The following ERG variants were observed in gnomAD, a reference collection of about 807,000 sequenced individuals.
The protein encoded by ERG is ETS transcription factor ERG.
In ERG, 9 loss-of-function variants were observed where a neutral mutation model predicts 55.3. That is an observed-to-expected ratio of 0.16 (90% confidence interval 0.10 to 0.28). The LOEUF (loss-of-function observed/expected upper bound fraction) is 0.28. Among genes scored for constraint, ERG ranks in the 10% least tolerant of loss-of-function variants. The probability of loss-of-function intolerance (pLI) is 1.00; values close to 1 mark genes in which losing one functional copy is unlikely to be tolerated. For missense variants in ERG, 434 were observed against 631.6 expected (o/e 0.69, Z 3.35); for synonymous variants, 223 against 237.3 (o/e 0.94, Z 0.55).
chr21:38,410,747 T>C (rs985323174), intron 3 of ERG, among the ~76,000 whole-genome samples: 9 of 152,226 alleles, frequency 5.9e-5, no homozygotes, highest in African/African-American at 2.2e-4. Context: ...TGAAACAAAA[T>C]GCCTCACACA....
intron 1 of ERG, among the ~76,000 whole-genome samples, chr21:38,658,684 G>A (rs574078328): frequency 6.6e-5 from 10 of 152,324 alleles, no homozygotes; most frequent in Admixed American, 2.0e-4. Context: ...TAGTATGTGA[G>A]TTACACATTC....
chr21:38,636,588 G>A (rs907972986), intron 1 of ERG, among the ~76,000 whole-genome samples: 1 of 152,180 alleles, frequency 6.6e-6, no homozygotes, highest in African/African-American at 2.4e-5. Flanking sequence ...GATGAAAGCT[G>A]GAACTATAAA....
chr21:38,573,472 G>A (rs1487913818), intron 2 of ERG, among the ~76,000 whole-genome samples: 1 of 152,226 alleles, frequency 6.6e-6, no homozygotes, highest in Admixed American at 6.5e-5. Flanking sequence ...ATGGTGGAAG[G>A]TGAGACATGT....
chr21:38,496,614 A>G (rs1262882028), intron 1 of ERG, among the ~76,000 whole-genome samples: 1 of 152,268 alleles, frequency 6.6e-6, no homozygotes, highest in African/African-American at 2.4e-5. Flanking sequence ...CAATAAACAC[A>G]TAATGCAATG....
intron 1 of ERG, among the ~76,000 whole-genome samples, chr21:38,645,629 A>G (rs2060451345): frequency 6.6e-6 from 1 of 152,246 alleles, no homozygotes; most frequent in Non-Finnish European, 1.5e-5. Context: ...AAGATGATTC[A>G]AAAGAGACAA....
intron 9 of ERG, among the ~76,000 whole-genome samples, chr21:38,384,698 A>G (rs1246640119): frequency 6.6e-6 from 1 of 152,230 alleles, no homozygotes; most frequent in Non-Finnish European, 1.5e-5. Flanking sequence ...TGAACTTCTA[A>G]AAGTTTATGG....
intron 1 of ERG, among the ~76,000 whole-genome samples, chr21:38,446,060 T>C (rs1174085704): frequency 6.6e-6 from 1 of 151,950 alleles, no homozygotes; most frequent in Non-Finnish European, 1.5e-5. Flanking sequence ...AATTGCCACA[T>C]TCCTGGGGAT....
chr21:38,576,683 G>A (rs2059996562), intron 1 of ERG, among the ~76,000 whole-genome samples: 1 of 152,114 alleles, frequency 6.6e-6, no homozygotes, highest in Non-Finnish European at 1.5e-5. Context: ...GACCTCTACA[G>A]ATGGGCTCAG....
intron 1 of ERG, among the ~76,000 whole-genome samples, chr21:38,620,289 C>G (rs538407731): frequency 2.0e-5 from 3 of 150,614 alleles, no homozygotes; most frequent in Non-Finnish European, 4.4e-5. Context: ...AACAGAAAGG[C>G]GATGACTTAT....
chr21:38,385,400 A>T (rs191562189), intron 9 of ERG, among the ~76,000 whole-genome samples: 2 of 152,366 alleles, frequency 1.3e-5, no homozygotes, highest in African/African-American at 4.8e-5. Flanking sequence ...TGATTAAAGT[A>T]ACTTTAACTG....
intron 1 of ERG, among the ~76,000 whole-genome samples, chr21:38,467,672 A>G (rs1167705474): frequency 6.6e-6 from 1 of 152,208 alleles, no homozygotes; most frequent in Non-Finnish European, 1.5e-5. Context: ...ATTAATTTGC[A>G]TCTTGACTTT....
At chr21:38,659,430 G>A (rs893280526) in intron 1 of ERG, among the ~76,000 whole-genome samples, 5 of 152,212 alleles carry the variant, frequency 3.3e-5, no homozygotes, top group African/African-American at 1.2e-4. Context: ...CCCCGGGAGC[G>A]GGCACCAGCC....
chr21:38,498,844 C>T (rs930230258), upstream of ERG, among the ~76,000 whole-genome samples: 2 of 152,102 alleles, frequency 1.3e-5, no homozygotes, highest in Admixed American at 6.5e-5. The surrounding 1 kb of genome is among the most constrained non-coding windows in gnomAD (Gnocchi z 4.6). Flanking sequence ...GTCAGCCCTT[C>T]GCAGCCCAAT....
At chr21:38,592,852 G>A (rs776877338) in intron 1 of ERG, among the ~76,000 whole-genome samples, 1 of 152,136 alleles carries the variant, frequency 6.6e-6, no homozygotes, top group Non-Finnish European at 1.5e-5. Context: ...ATTTCATTTG[G>A]TTGTTATTGT....
chr21:38,612,131 C>T (rs1021382368), intron 1 of ERG, among the ~76,000 whole-genome samples: 1 of 152,170 alleles, frequency 6.6e-6, no homozygotes, highest in Non-Finnish European at 1.5e-5. Flanking sequence ...CACAGAATGT[C>T]CTGAAGATCC....
At chr21:38,595,759 C>T (rs2060127298) in intron 1 of ERG, among the ~76,000 whole-genome samples, 1 of 152,144 alleles carries the variant, frequency 6.6e-6, no homozygotes, top group South Asian at 2.1e-4. Context: ...GGGTCCGCAC[C>T]TGGAGGGCAA....
chr21:38,648,924 G>A (rs767462124), intron 1 of ERG, among the ~76,000 whole-genome samples: 20 of 152,176 alleles, frequency 1.3e-4, no homozygotes, highest in Non-Finnish European at 1.3e-4. Context: ...AAGGAAGGAC[G>A]TGCCCAGGAG....
chr21:38,493,654 CCCT>C (rs1446031481), intron 1 of ERG, among the ~76,000 whole-genome samples: 2 of 152,212 alleles, frequency 1.3e-5, no homozygotes, highest in Non-Finnish European at 2.9e-5. Flanking sequence ...TAGGCCTCTG[CCCT>C]CCTCCAGCAG....
intron 2 of ERG, among the ~76,000 whole-genome samples, chr21:38,535,254 T>C (rs1056803201): frequency 6.6e-6 from 1 of 152,248 alleles, no homozygotes; most frequent in Admixed American, 6.5e-5. Context: ...GTAGTAATAA[T>C]GGTTGCCAAA....
Sources: allele counts gnomAD v4.1 joint callset (sites outside exome capture counted in the v4.1 genomes callset), GRCh38; gene constraint gnomAD v4.1.1; non-coding constraint Gnocchi (gnomAD v3.1); transcripts MANE v1.5; gene names NCBI Gene and HGNC (gene_info 2026-07-23, HGNC 2026-07-21).